Variants in HSD17B2 observed in about 807,000 individuals in gnomAD.
The protein encoded by HSD17B2 is hydroxysteroid 17-beta dehydrogenase 2.
HSD17B2 carries 32 observed loss-of-function variants against 26.9 expected under a neutral mutation model. The observed-to-expected ratio is 1.19, with a 90% CI of 0.90 to 1.60. The LOEUF (loss-of-function observed/expected upper bound fraction) is 1.60. HSD17B2 is among the 40% of genes most tolerant of loss of function. HSD17B2 has a pLI of 0.00. For missense variants in HSD17B2, 613 were observed against 468.6 expected (o/e 1.31, Z -2.85); for synonymous variants, 246 against 186.7 (o/e 1.32, Z -2.59).
chr16:82,071,214 G>T (rs1450135195), intron 3 of HSD17B2, 87 bp downstream of exon 3: 1 of 1,257,840 alleles, frequency 8.0e-7, no homozygotes. Flanking sequence ...AAAAATGCAG[G>T]GCATGCAAAG....
In HSD17B2 at chr16:82,068,400, C is replaced by G; in HGVS notation, c.478+18C>G. The G allele has an allele frequency of 6.3e-7, 1 of 1,593,990 alleles. No homozygotes were observed. Among genetic ancestry groups the G allele is most frequent in the South Asian group, 1.1e-5 (1 of 88,780 alleles). On this transcript the variant is annotated intron_variant, in intron 2 of 4. Transcript: ENST00000199936. The stretch of plus-strand genomic sequence containing the variant: ...GGACAGAGGTACTGCCGCCAGCACC[C>G]TCAGTGCCTTTACCCTCCTCCTGAA...
chr16:82,097,551 G>GAAAAA (rs1904887172), intron 4 of HSD17B2: 1 of 151,950 alleles, frequency 6.6e-6, no homozygotes, highest in Admixed American at 6.6e-5. Context: ...TAGTCACATG[G>GAAAAA]GCTATCAGTT....
rs542474920 is a variant in HSD17B2, at chr16:82,096,221, A to T, written c.803-1854A>T. 2.0e-5 allele frequency: 3 copies of T among 152,100 alleles called. No homozygotes were observed. The South Asian group carries it at 6.2e-4, about 32-fold the overall frequency. 9.4% of individuals were successfully genotyped at this position (152,100 alleles called of 1,614,324 possible). A position where few individuals can be genotyped will look rare whatever the true frequency, so the allele number is the denominator to read the frequency against. ...GTAGATTAAATATTTAAAATCCTGTATTTATTTATTTATTTATTGAGATGG... is the reference window on the plus strand; with the variant it reads ...GTAGATTAAATATTTAAAATCCTGTTTTTATTTATTTATTTATTGAGATGG... On this transcript the variant is annotated intron_variant, in intron 4 of 4. Transcript: ENST00000199936.
rs899372389 is a variant in HSD17B2 at position 82,060,337 on chromosome 16, G to C, written c.266-7833G>C. 3.9e-5 allele frequency among the ~76,000 whole-genome samples: 6 copies of C among 152,174 alleles called. No individual in the cohort carries two copies. The East Asian group carries it at 1.2e-3, about 29-fold the overall frequency. ...TCAAAAGGCTATGGGGTCAGGGTAG[G>C]CTGCATTACTGAGGGAAGCTGGTGA... On this transcript the variant is annotated intron_variant, in intron 1 of 4. Coordinates refer to ENST00000199936, the MANE Select transcript of HSD17B2 (RefSeq NM_002153.3).
intron 1 of HSD17B2, among the ~76,000 whole-genome samples, 157 bp downstream of exon 1, chr16:82,035,846 G>GT (rs5818364): frequency 0.1 from 15,525 of 152,024 alleles, 2,666 homozygotes; most frequent in African/African-American, 0.35. Flanking sequence ...TTTTCGTTCC[G>GT]TTTTTTCCAG....
intron 4 of HSD17B2, chr16:82,095,461 C>G (rs893221953): frequency 6.5e-6 from 1 of 152,962 alleles, no homozygotes; most frequent in African/African-American, 2.4e-5. Context: ...ATGTGAACAA[C>G]CAAGCACTTT....
At chr16:82,083,816 A>G (rs370226171) in intron 3 of HSD17B2, among the ~76,000 whole-genome samples, 8 of 152,258 alleles carry the variant, frequency 5.3e-5, no homozygotes, top group African/African-American at 1.7e-4. Context: ...ACTTTTCCCC[A>G]TTGTAATAAC....
At chr16:82,063,661 T>C (rs1482701227) in intron 1 of HSD17B2, among the ~76,000 whole-genome samples, 1 of 152,166 alleles carries the variant, frequency 6.6e-6, no homozygotes, top group Non-Finnish European at 1.5e-5. Context: ...GCAGTAAATA[T>C]TTTGCTTTGC....
chr16:82,059,767 A>G (rs1914380175), intron 1 of HSD17B2, among the ~76,000 whole-genome samples: 1 of 152,192 alleles, frequency 6.6e-6, no homozygotes, highest in Non-Finnish European at 1.5e-5. Flanking sequence ...CCTGGGTTTC[A>G]CGGCTGACTC....
intron 1 of HSD17B2, chr16:82,044,253 T>C (rs146281978): frequency 1.3e-5 from 2 of 152,238 alleles, no homozygotes; most frequent in Non-Finnish European, 2.9e-5. Flanking sequence ...CTTCACCACA[T>C]GCTGTTGCTT....
At chr16:82,037,546 A>T (rs1422369446) in intron 1 of HSD17B2, among the ~76,000 whole-genome samples, 1 of 152,242 alleles carries the variant, frequency 6.6e-6, no homozygotes, top group Non-Finnish European at 1.5e-5. Flanking sequence ...TTATCTGATA[A>T]TTCAAGTCTT....
At chr16:82,048,485 A>G (rs1914005162) in intron 1 of HSD17B2, among the ~76,000 whole-genome samples, 2 of 152,200 alleles carry the variant, frequency 1.3e-5, no homozygotes, top group African/African-American at 4.8e-5. Flanking sequence ...TTTTGGTGGA[A>G]AAGGGAAGGA....
At chr16:82,048,006 C>A (rs893561536) in intron 1 of HSD17B2, among the ~76,000 whole-genome samples, 1 of 152,168 alleles carries the variant, frequency 6.6e-6, no homozygotes, top group African/African-American at 2.4e-5. Flanking sequence ...AATATTATAT[C>A]TTTTGTTTGA....
At chr16:82,037,213 T>C (rs1339279346) in intron 1 of HSD17B2, among the ~76,000 whole-genome samples, 2 of 152,248 alleles carry the variant, frequency 1.3e-5, no homozygotes, top group African/African-American at 2.4e-5. Flanking sequence ...AGAATTAAGA[T>C]GAGCACTACA....
At chr16:82,081,711 T>C (rs543158575) in intron 3 of HSD17B2, among the ~76,000 whole-genome samples, 43 of 152,338 alleles carry the variant, frequency 2.8e-4, no homozygotes, top group Non-Finnish European at 5.9e-4. Flanking sequence ...TATGAGTTAT[T>C]ACTATTTTTA....
Position 82,098,088 on chromosome 16 carries a change from C to A in HSD17B2, c.816C>A (p.Thr272=). 6.2e-7 allele frequency: 1 copy of A among 1,612,312 alleles called. No homozygotes were observed. Among genetic ancestry groups the A allele is most frequent in the Non-Finnish European group, 8.5e-7 (1 of 1,178,850 alleles). ...CTTTCACCCCAGATATCGCAGGCAC[C>A]AGTGACAAGTGGGAAAAGCTGGAGA... ...PGGFLTNIAG[T]SDKWEKLEKD... The change falls in exon 5 of 5, where the codon ACC becomes ACA. Residue 272 remains threonine, a synonymous_variant. Transcript: ENST00000199936.
intron 1 of HSD17B2, among the ~76,000 whole-genome samples, chr16:82,065,969 G>C (rs990173004): frequency 6.6e-6 from 1 of 152,216 alleles, no homozygotes; most frequent in Non-Finnish European, 1.5e-5. Context: ...AGCACACACA[G>C]CACTGGTCTG....
intron 1 of HSD17B2, among the ~76,000 whole-genome samples, chr16:82,065,939 A>G (rs1914560706): frequency 1.3e-5 from 2 of 152,212 alleles, no homozygotes; most frequent in Non-Finnish European, 2.9e-5. Context: ...CACTACTGGT[A>G]TTTAGGGGAT....
chr16:82,068,153 C>T lies in HSD17B2; in HGVS notation c.266-17C>T. 6.2e-7 allele frequency: 1 copy of T among 1,611,584 alleles called. No individual in the cohort carries two copies. The highest frequency in any genetic ancestry group is 1.7e-4 in the Middle Eastern group (1 of 6,056). On this transcript the variant is annotated splice_polypyrimidine_tract_variant and intron_variant, in intron 1 of 4. Transcript: ENST00000199936. ...CTCTGGTTTGACCTCACTCCCTACTCCCCTGACCCTATGCAGGTGGTGATT... is the reference window on the plus strand; with the variant it reads ...CTCTGGTTTGACCTCACTCCCTACTTCCCTGACCCTATGCAGGTGGTGATT...
Sources: allele counts gnomAD v4.1 joint callset (sites outside exome capture counted in the v4.1 genomes callset), GRCh38; gene constraint gnomAD v4.1.1; transcripts MANE v1.5; gene names NCBI Gene and HGNC (gene_info 2026-07-23, HGNC 2026-07-21).